The following ATG10 variants were observed in gnomAD, a reference collection of about 807,000 sequenced individuals.
ATG10 encodes the protein autophagy related 10.
ATG10 carries 30 observed loss-of-function variants against 32.1 expected under a neutral mutation model. That is an observed-to-expected ratio of 0.94 (90% CI 0.70 to 1.27). The LOEUF (loss-of-function observed/expected upper bound fraction) is 1.27. ATG10 is among the 50% of genes most tolerant of loss of function. The pLI is 0.00. For missense variants in ATG10, 233 were observed against 262.3 expected (o/e 0.89, Z 0.77); for synonymous variants, 87 against 91.5 (o/e 0.95, Z 0.28).
At chr5:81,991,530 T>TA (rs1021553644) in intron 2 of ATG10, among the ~76,000 whole-genome samples, 1 of 152,038 alleles carries the variant, frequency 6.6e-6, no homozygotes, top group Non-Finnish European at 1.5e-5. Flanking sequence ...AACTTATTCT[T>TA]AAAAAAAGTC....
At chr5:82,026,969 G>C (rs1189175315) in intron 2 of ATG10, among the ~76,000 whole-genome samples, 1 of 151,838 alleles carries the variant, frequency 6.6e-6, no homozygotes, top group Non-Finnish European at 1.5e-5. Context: ...TGAGGCAGGA[G>C]AATCGCTTGA....
At chr5:82,159,433 T>G (rs1743211603) in intron 3 of ATG10, among the ~76,000 whole-genome samples, 1 of 152,166 alleles carries the variant, frequency 6.6e-6, no homozygotes, top group South Asian at 2.1e-4. Flanking sequence ...ACAGGAAGTG[T>G]ATTGTTGTTT....
intron 4 of ATG10, among the ~76,000 whole-genome samples, chr5:82,167,882 C>G (rs781290243): frequency 3.9e-5 from 6 of 152,180 alleles, no homozygotes; most frequent in Non-Finnish European, 5.9e-5. Flanking sequence ...CTGTTTTTCT[C>G]TAACTACTTT....
chr5:82,207,177 A>G (rs1745333639), intron 5 of ATG10, among the ~76,000 whole-genome samples: 1 of 152,216 alleles, frequency 6.6e-6, no homozygotes, highest in African/African-American at 2.4e-5. Flanking sequence ...TATATCAAGA[A>G]TAGAATTGCT....
chr5:82,135,994 A>T (rs1270939455), intron 3 of ATG10, among the ~76,000 whole-genome samples: 1 of 151,672 alleles, frequency 6.6e-6, no homozygotes, highest in East Asian at 1.9e-4. Flanking sequence ...TGTCCTTTTG[A>T]TCTTTGTTGG....
intron 2 of ATG10, among the ~76,000 whole-genome samples, chr5:82,031,359 A>T (rs1339360040): frequency 6.6e-6 from 1 of 152,222 alleles, no homozygotes; most frequent in East Asian, 1.9e-4. Flanking sequence ...ATGTGTTGCT[A>T]GTGTATCCAG....
intron 3 of ATG10, among the ~76,000 whole-genome samples, chr5:82,159,018 A>G (rs1372378478): frequency 6.6e-6 from 1 of 152,240 alleles, no homozygotes; most frequent in Admixed American, 6.5e-5. Flanking sequence ...TATAATGAGC[A>G]CAGTAAGAGA....
Position 82,033,729 on chromosome 5 carries a change from AACACACAC to A in ATG10, c.109-24742_109-24735del, listed in dbSNP as rs59922803. 7.9e-3 allele frequency among the ~76,000 whole-genome samples: 1,161 copies of A among 146,300 alleles called. 17 individuals are homozygous for A. The highest frequency in any genetic ancestry group is 0.033 in the Admixed American group (479 of 14,626). On this transcript the variant is annotated intron_variant, in intron 2 of 7. Transcript: ENST00000282185. ...GTTACTTGGCTGTAAATACTATACA[AACACACAC>A]ACACACACACACACACACACACATA...
intron 1 of ATG10, among the ~76,000 whole-genome samples, chr5:81,984,616 C>G (rs1386715677): frequency 6.6e-6 from 1 of 152,194 alleles, no homozygotes; most frequent in Non-Finnish European, 1.5e-5. Context: ...AAGGATTATT[C>G]TTGCCATTAT....
Position 81,983,728 on chromosome 5 carries a change from G to C in ATG10, c.-12-3831G>C, listed in dbSNP as rs1183299799. On this transcript the variant is annotated intron_variant, in intron 1 of 7. Coordinates refer to ENST00000282185, the MANE Select transcript of ATG10 (RefSeq NM_031482.5). ...AGATGGGGTGGCTGCCGGGCGTAGG[G>C]GCTTCTCACTTCTCAGACAGGGCGG... Among the ~76,000 whole-genome samples, 588 of 146,852 alleles carry C rather than the reference G, an allele frequency of 4.0e-3. 12 individuals are homozygous for C. Among genetic ancestry groups the C allele is most frequent in the African/African-American group, 0.015 (562 of 38,262 alleles).
chr5:82,237,344 A>G (rs1471283306), intron 5 of ATG10, among the ~76,000 whole-genome samples: 2 of 152,002 alleles, frequency 1.3e-5, no homozygotes, highest in Non-Finnish European at 2.9e-5. Context: ...ATTAAATACC[A>G]TATTTTTAAG....
intron 2 of ATG10, among the ~76,000 whole-genome samples, chr5:82,010,878 A>G (rs2149694240): frequency 6.6e-6 from 1 of 152,318 alleles, no homozygotes; most frequent in East Asian, 1.9e-4. Flanking sequence ...TTTTATGCAC[A>G]CAGTGTTCCT....
At chr5:82,118,501 C>T (rs962731933) in intron 3 of ATG10, among the ~76,000 whole-genome samples, 1 of 149,998 alleles carries the variant, frequency 6.7e-6, no homozygotes, top group Non-Finnish European at 1.5e-5. Context: ...CATTTGTTTA[C>T]TAAATTTTGT....
intron 5 of ATG10, 149 bp from the exon 6 acceptor site, chr5:82,252,410 ATTG>A (rs1454735628): frequency 1.6e-6 from 1 of 613,364 alleles, no homozygotes; most frequent in Non-Finnish European, 2.9e-6. Context: ...TGGATTATAA[ATTG>A]TTTTTAAAAA....
chr5:82,054,851 A>C (rs1763542028), intron 2 of ATG10, among the ~76,000 whole-genome samples: 1 of 152,230 alleles, frequency 6.6e-6, no homozygotes. Context: ...GGGAGAAATA[A>C]AACTAACAAA....
chr5:82,138,944 A>G (rs1457477477), intron 3 of ATG10, among the ~76,000 whole-genome samples: 3 of 136,626 alleles, frequency 2.2e-5, no homozygotes, highest in East Asian at 2.4e-4. Flanking sequence ...GCTCACTGCA[A>G]CCTCCCTGCC....
intron 3 of ATG10, among the ~76,000 whole-genome samples, chr5:82,069,549 A>C (rs948205273): frequency 1.3e-5 from 2 of 152,150 alleles, no homozygotes; most frequent in Admixed American, 1.3e-4. Flanking sequence ...ACTTGGTTAG[A>C]TCACTTCCAT....
At chr5:82,227,387 A>AT (rs547706667) in intron 5 of ATG10, among the ~76,000 whole-genome samples, 9,688 of 151,706 alleles carry the variant, frequency 0.064, 380 homozygotes, top group South Asian at 0.14. Flanking sequence ...TTTTATTATT[A>AT]TTTTTTTGAG....
At chr5:82,106,027 GA>G (rs1432353082) in intron 3 of ATG10, among the ~76,000 whole-genome samples, 1 of 151,930 alleles carries the variant, frequency 6.6e-6, no homozygotes, top group Non-Finnish European at 1.5e-5. Flanking sequence ...CAAATATATT[GA>G]CTATTTTTCC....
Sources: allele counts gnomAD v4.1 joint callset (sites outside exome capture counted in the v4.1 genomes callset), GRCh38; gene constraint gnomAD v4.1.1; transcripts MANE v1.5; gene names NCBI Gene and HGNC (gene_info 2026-07-23, HGNC 2026-07-21).